KCNIP4: variants seen among roughly 807,000 people sequenced by gnomAD.
KCNIP4 encodes the protein potassium voltage-gated channel interacting protein 4, also known as Kv channel-interacting protein 4.
In KCNIP4, 12 loss-of-function variants were observed where a neutral mutation model predicts 34.0. The observed-to-expected ratio is 0.35, with a 90% CI of 0.23 to 0.57. The LOEUF is 0.57. KCNIP4 is among the 20% of genes least tolerant of loss of function. The pLI is 0.83. For synonymous variants in KCNIP4, 124 were observed against 102.2 expected, an observed-to-expected ratio of 1.21 and a Z score of -1.29; for missense variants, 238 against 311.7, an observed-to-expected ratio of 0.76 and a Z score of 1.78.
chr4:21,112,362 A>G (rs1213161678), intron 1 of KCNIP4, among the ~76,000 whole-genome samples: 2 of 152,160 alleles, frequency 1.3e-5, no homozygotes, highest in Non-Finnish European at 2.9e-5. Context: ...CCTACTGTAG[A>G]AGCAAAGTGG....
chr4:20,773,479 G>A (rs1278705803), intron 3 of KCNIP4, among the ~76,000 whole-genome samples: 3 of 152,308 alleles, frequency 2.0e-5, no homozygotes, highest in African/African-American at 7.2e-5. Flanking sequence ...TCCCGGGCCT[G>A]TTGACTCTGA....
At chr4:20,864,246 GTATATATGCACA>G (rs1560525869) in intron 2 of KCNIP4, among the ~76,000 whole-genome samples, 3 of 150,876 alleles carry the variant, frequency 2.0e-5, no homozygotes, top group South Asian at 2.1e-4. Context: ...ACATATGTAT[GTATATATGCACA>G]CATATGTATG....
intron 3 of KCNIP4, among the ~76,000 whole-genome samples, chr4:20,841,219 G>A (rs1719678345): frequency 6.6e-6 from 1 of 152,110 alleles, no homozygotes; most frequent in Non-Finnish European, 1.5e-5. Context: ...AATTTTATTG[G>A]GCTGGCCTCC....
rs149856853 is a variant in KCNIP4 at position 21,296,442 on chromosome 4, G to C, written c.62-413733C>G. On this transcript the variant is annotated intron_variant, in intron 1 of 8. Transcript: ENST00000382152. ...TTTGATGGAAAGATGATGGTTCTTA[G>C]CTATAATGGCAAAAGACAAATAACT... 4.4e-4 allele frequency among the ~76,000 whole-genome samples: 66 copies of C among 150,964 alleles called. 1 individual carries two copies. The East Asian group carries it at 0.013, about 29-fold the overall frequency.
rs771530090 is a variant in KCNIP4, at chr4:21,234,049, A to T, written c.62-351340T>A. On this transcript the variant is annotated intron_variant, in intron 1 of 8. Transcript: ENST00000382152. ...TATATATAACATATATAACATATAT[A>T]ACACATAACATATATAACATAACAT... 1.6e-3 allele frequency among the ~76,000 whole-genome samples: 184 copies of T among 114,726 alleles called. 2 individuals are homozygous for T. Among genetic ancestry groups the T allele is most frequent in the Non-Finnish European group, 2.6e-3 (167 of 63,958 alleles). The allele number at this position is 114,726 out of a possible 152,430, so 75.3% of individuals were successfully genotyped here.
chr4:21,130,356 G>A (rs1468379662), intron 1 of KCNIP4, among the ~76,000 whole-genome samples: 1 of 152,174 alleles, frequency 6.6e-6, no homozygotes, highest in African/African-American at 2.4e-5. Flanking sequence ...AACCATTACA[G>A]AAGTTAAAAT....
chr4:21,912,834 T>C (rs1274847389), intron 1 of KCNIP4, among the ~76,000 whole-genome samples: 1 of 149,764 alleles, frequency 6.7e-6, no homozygotes, highest in East Asian at 1.9e-4. Flanking sequence ...TAACATAATA[T>C]AATATACAGA....
At chr4:21,392,499 A>T (rs900607190) in intron 1 of KCNIP4, among the ~76,000 whole-genome samples, 4 of 152,210 alleles carry the variant, frequency 2.6e-5, no homozygotes, top group African/African-American at 9.6e-5. Flanking sequence ...CTGAGCACTC[A>T]CAAGCTATGG....
At chr4:21,823,506 C>A (rs1389092717) in intron 1 of KCNIP4, among the ~76,000 whole-genome samples, 1 of 119,860 alleles carries the variant, frequency 8.3e-6, no homozygotes, top group Non-Finnish European at 1.6e-5. Context: ...TTTGTTCTGT[C>A]TTAAAAAAAA....
chr4:20,899,142 A>C (rs1279097213), intron 1 of KCNIP4, among the ~76,000 whole-genome samples: 1 of 152,224 alleles, frequency 6.6e-6, no homozygotes, highest in East Asian at 1.9e-4. Flanking sequence ...AGTGTTATCT[A>C]CAAATTATAT....
At chr4:20,973,327 A>C (rs1735157598) in intron 1 of KCNIP4, among the ~76,000 whole-genome samples, 1 of 152,120 alleles carries the variant, frequency 6.6e-6, no homozygotes, top group Non-Finnish European at 1.5e-5. Context: ...TCATGAGCCA[A>C]ACTCTGCTAG....
At chr4:21,639,802 T>C (rs1345604199) in intron 1 of KCNIP4, among the ~76,000 whole-genome samples, 1 of 152,170 alleles carries the variant, frequency 6.6e-6, no homozygotes, top group Admixed American at 6.6e-5. Context: ...GTATGTCTAT[T>C]CTAATTATAT....
At chr4:21,379,062 A>G (rs1354398421) in intron 1 of KCNIP4, among the ~76,000 whole-genome samples, 2 of 152,190 alleles carry the variant, frequency 1.3e-5, no homozygotes, top group Admixed American at 1.3e-4. Context: ...AATATATCAT[A>G]CTGTGAGATT....
chr4:21,133,977 T>C lies in KCNIP4; in HGVS notation c.62-251268A>G, dbSNP rs937835197. Among the ~76,000 whole-genome samples, 4 of 152,148 alleles carry C rather than the reference T, an allele frequency of 2.6e-5. 1 individual carries two copies. The highest frequency in any genetic ancestry group is 9.7e-5 in the African/African-American group (4 of 41,432). The stretch of plus-strand genomic sequence containing the variant: ...CCCTTCTGCCCTGGAGGAAAGAATG[T>C]CTTTCTTCTTTCCCCAGTTGCTTGG... On this transcript the variant is annotated intron_variant, in intron 1 of 8. Coordinates refer to ENST00000382152, the MANE Select transcript of KCNIP4 (RefSeq NM_025221.6).
chr4:21,543,304 T>C (rs1289802976), intron 1 of KCNIP4, among the ~76,000 whole-genome samples: 1 of 152,170 alleles, frequency 6.6e-6, no homozygotes, highest in African/African-American at 2.4e-5. Flanking sequence ...TGTTACTCTT[T>C]TAATTTTTTC....
intron 1 of KCNIP4, among the ~76,000 whole-genome samples, chr4:21,523,970 T>G (rs575166692): frequency 1.5e-3 from 229 of 152,314 alleles, no homozygotes; most frequent in African/African-American, 5.2e-3. Flanking sequence ...AATATGGATT[T>G]AGAATATCCA....
chr4:21,725,066 T>C (rs1269689651), intron 1 of KCNIP4, among the ~76,000 whole-genome samples: 1 of 152,154 alleles, frequency 6.6e-6, no homozygotes. Flanking sequence ...TGACTTTGCG[T>C]CTAAACCTAG....
intron 3 of KCNIP4, among the ~76,000 whole-genome samples, chr4:20,776,352 C>CCTTAATG (rs1221282160): frequency 3.9e-4 from 60 of 152,092 alleles, no homozygotes; most frequent in Admixed American, 1.3e-3. Context: ...TTAATGCATC[C>CCTTAATG]CAGAAGGAGA....
intron 1 of KCNIP4, among the ~76,000 whole-genome samples, chr4:21,312,044 T>C (rs1388613522): frequency 6.6e-6 from 1 of 152,104 alleles, no homozygotes. Flanking sequence ...ACACCCAGAC[T>C]TCACCACCCA....
Sources: allele counts gnomAD v4.1 joint callset (sites outside exome capture counted in the v4.1 genomes callset), GRCh38; gene constraint gnomAD v4.1.1; transcripts MANE v1.5; gene names NCBI Gene and HGNC (gene_info 2026-07-23, HGNC 2026-07-21).